CNTN3: variants seen among roughly 807,000 people sequenced by gnomAD.
CNTN3 encodes contactin-3.
Under a neutral mutation model 119.1 loss-of-function variants are expected in CNTN3, and 60 were observed. That is an observed-to-expected ratio of 0.50 (90% CI 0.41 to 0.62). CNTN3 has a LOEUF of 0.62. Ranked by LOEUF, CNTN3 falls within the 20% of genes least tolerant of loss-of-function variation. CNTN3 has a pLI of 0.00. For missense variants in CNTN3, 1,101 were observed against 1,242.4 expected (o/e 0.89, Z 1.71); for synonymous variants, 450 against 438.7 (o/e 1.03, Z -0.32).
intron 3 of CNTN3, among the ~76,000 whole-genome samples, chr3:74,490,425 A>C (rs1044766081): frequency 6.6e-6 from 1 of 152,222 alleles, no homozygotes; most frequent in Non-Finnish European, 1.5e-5. Context: ...CTGACTAAGC[A>C]TGCCTGATGG....
At chr3:74,349,209 G>A (rs1434429521) in intron 11 of CNTN3, among the ~76,000 whole-genome samples, 2 of 152,158 alleles carry the variant, frequency 1.3e-5, no homozygotes, top group Non-Finnish European at 2.9e-5. Flanking sequence ...GTACAGAGCA[G>A]AGGCTTAGAG....
In CNTN3 at chr3:74,262,717, A is replaced by G. The variant is rs1251114206; in HGVS notation, c.*1684T>C. 1 of 152,572 alleles carries G rather than the reference A, an allele frequency of 6.6e-6. No individual in the cohort carries two copies. Among genetic ancestry groups the G allele is most frequent in the African/African-American group, 2.4e-5 (1 of 41,448 alleles). The allele number at this position is 152,572 out of a possible 1,614,324, so 9.5% of individuals were successfully genotyped here. On this transcript the variant is annotated 3_prime_UTR_variant, in exon 23 of 23. Transcript: ENST00000263665. ...AGATATATTGCTAGAAACAACATGA[A>G]ACAATAGAGCAATCATCTTGAAAAT...
intron 5 of CNTN3, among the ~76,000 whole-genome samples, chr3:74,386,125 T>C (rs1161371648): frequency 6.6e-6 from 1 of 152,194 alleles, no homozygotes; most frequent in Non-Finnish European, 1.5e-5. Flanking sequence ...AGTCAGAGCC[T>C]GAACCACTAC....
At chr3:74,389,037 C>A (rs1704827415) in intron 5 of CNTN3, among the ~76,000 whole-genome samples, 1 of 152,144 alleles carries the variant, frequency 6.6e-6, no homozygotes, top group Non-Finnish European at 1.5e-5. Flanking sequence ...GCAGCTTCAA[C>A]CAACTTTGTG....
intron 13 of CNTN3, among the ~76,000 whole-genome samples, chr3:74,333,829 T>C (rs1237399451): frequency 6.6e-6 from 1 of 152,158 alleles, no homozygotes; most frequent in African/African-American, 2.4e-5. Context: ...ATGAACACAG[T>C]TGAGTTGACC....
At chr3:74,493,347 C>A (rs1006657039) in intron 3 of CNTN3, among the ~76,000 whole-genome samples, 1 of 152,006 alleles carries the variant, frequency 6.6e-6, no homozygotes, top group Non-Finnish European at 1.5e-5. Context: ...AAAAAATAAA[C>A]CCCAAATAGA....
intron 1 of CNTN3, among the ~76,000 whole-genome samples, chr3:74,534,557 G>A (rs1703736463): frequency 6.6e-6 from 1 of 151,978 alleles, no homozygotes; most frequent in Non-Finnish European, 1.5e-5. Context: ...TGTATGTAGA[G>A]TTTTTGTTTG....
intron 5 of CNTN3, among the ~76,000 whole-genome samples, chr3:74,389,572 C>T (rs1704841478): frequency 6.6e-6 from 1 of 152,100 alleles, no homozygotes; most frequent in Non-Finnish European, 1.5e-5. Flanking sequence ...TTGACCGTGT[C>T]ATGTGTTATC....
chr3:74,354,364 C>T (rs1703885649), intron 11 of CNTN3, among the ~76,000 whole-genome samples: 1 of 152,170 alleles, frequency 6.6e-6, no homozygotes, highest in Admixed American at 6.5e-5. Context: ...TAATTAGCTA[C>T]TATGTTTCAA....
chr3:74,472,269 T>C (rs1227029404), intron 4 of CNTN3, among the ~76,000 whole-genome samples: 3 of 152,136 alleles, frequency 2.0e-5, no homozygotes, highest in Admixed American at 1.3e-4. Context: ...AGGAGAAAAT[T>C]GATTAGGAAA....
chr3:74,508,135 T>C (rs1464729958), intron 2 of CNTN3, among the ~76,000 whole-genome samples: 1 of 152,152 alleles, frequency 6.6e-6, no homozygotes, highest in African/African-American at 2.4e-5. Context: ...GTAACTGAAT[T>C]ATGCGGACAG....
Position 74,288,735 on chromosome 3 carries a change from T to C in CNTN3, c.2518-3244A>G, listed in dbSNP as rs142058772. Among the ~76,000 whole-genome samples the C allele has an allele frequency of 1.3e-4, 20 of 152,328 alleles. No homozygotes were observed. In the East Asian group the frequency reaches 3.3e-3, roughly 25 times the overall value. ...AGAGAAGGACTTTAAAAAAATGGACTGTAGATACTGCACTAGAACGTGGGA... is the reference window on the plus strand; with the variant it reads ...AGAGAAGGACTTTAAAAAAATGGACCGTAGATACTGCACTAGAACGTGGGA... On this transcript the variant is annotated intron_variant, in intron 19 of 22. Transcript: ENST00000263665.
intron 1 of CNTN3, among the ~76,000 whole-genome samples, chr3:74,584,426 C>T (rs1157791991): frequency 6.6e-6 from 1 of 152,024 alleles, no homozygotes; most frequent in African/African-American, 2.4e-5. Flanking sequence ...GGGATAGGTG[C>T]TTTACGAATG....
chr3:74,582,783 T>TTGTGTGTG (rs60306845), intron 1 of CNTN3, among the ~76,000 whole-genome samples: 2,412 of 145,050 alleles, frequency 0.017, 68 homozygotes, highest in African/African-American at 0.055. Flanking sequence ...GTGTATGCAT[T>TTGTGTGTG]TGTGTGTGTG....
At chr3:74,539,114 TGGTCTCCCACA>T (rs1029243547) in intron 1 of CNTN3, among the ~76,000 whole-genome samples, 1 of 152,098 alleles carries the variant, frequency 6.6e-6, no homozygotes, top group African/African-American at 2.4e-5. Flanking sequence ...TTCCACCCTA[TGGTCTCCCACA>T]GACCTGGATC....
chr3:74,487,169 TGGTAA>T (rs1375525109), intron 3 of CNTN3, among the ~76,000 whole-genome samples: 1 of 152,140 alleles, frequency 6.6e-6, no homozygotes, highest in Non-Finnish European at 1.5e-5. Flanking sequence ...TGGTACACTG[TGGTAA>T]ATGACCATAA....
At chr3:74,573,433 G>A (rs1016711516) in intron 1 of CNTN3, among the ~76,000 whole-genome samples, 41 of 152,220 alleles carry the variant, frequency 2.7e-4, no homozygotes, top group African/African-American at 9.9e-4. Context: ...ATACCCATAT[G>A]AGCATGTGTG....
intron 4 of CNTN3, among the ~76,000 whole-genome samples, chr3:74,469,914 G>A (rs940642646): frequency 6.6e-6 from 1 of 152,152 alleles, no homozygotes; most frequent in Non-Finnish European, 1.5e-5. Flanking sequence ...AATGCTTACA[G>A]CAGCATTATT....
At position 74,333,904 on chromosome 3, in the gene CNTN3, G is replaced by C. The variant is rs185539844; in HGVS notation, c.1668+831C>G. ...GTCCATAATTGACAAAACCAGACTT[G>C]ACTGTCCACCATGGACCTCTTTACC... On this transcript the variant is annotated intron_variant, in intron 13 of 22. Transcript: ENST00000263665. Among the ~76,000 whole-genome samples the C allele has an allele frequency of 4.5e-4, 68 of 152,204 alleles. 1 individual carries two copies. Among genetic ancestry groups the C allele is most frequent in the Admixed American group, 1.5e-3 (23 of 15,290 alleles).
Sources: allele counts gnomAD v4.1 joint callset (sites outside exome capture counted in the v4.1 genomes callset), GRCh38; gene constraint gnomAD v4.1.1; transcripts MANE v1.5; gene names NCBI Gene and HGNC (gene_info 2026-07-23, HGNC 2026-07-21).